Variants in ISX observed in about 807,000 individuals in gnomAD.
The protein encoded by ISX is intestine specific homeobox, also known as intestine-specific homeobox.
A neutral mutation model predicts 16.9 loss-of-function variants in ISX; 15 were observed. That is an observed-to-expected ratio of 0.89 (90% confidence interval 0.59 to 1.36). The LOEUF (loss-of-function observed/expected upper bound fraction) is 1.36, where lower values mean the gene tolerates loss of function less well. Among genes scored for constraint, ISX ranks in the 40% most tolerant of loss-of-function variants. The pLI is 0.00. For missense variants in ISX, 316 were observed against 306.1 expected (o/e 1.03, Z -0.24); for synonymous variants, 125 against 119.7 (o/e 1.04, Z -0.29).
chr22:35,087,347 A>G lies in ISX; in HGVS notation c.*1654A>G, dbSNP rs563864405. 3 of 152,296 alleles carry G rather than the reference A, an allele frequency of 2.0e-5. No homozygotes were observed. Among genetic ancestry groups the G allele is most frequent in the Admixed American group, 2.0e-4 (3 of 15,290 alleles). The allele number at this position is 152,296 out of a possible 1,614,324, so 9.4% of individuals were successfully genotyped here. A position where few individuals can be genotyped will look rare whatever the true frequency, so the allele number is the denominator to read the frequency against. On this transcript the variant is annotated 3_prime_UTR_variant, in exon 5 of 5. Transcript: ENST00000404699. ...GCAGGTACCCATTTTAGGACCCTAC[A>G]CTCAAATGTGCAAAATAAAATTTCT...
At chr22:35,083,375 G>T (rs1429636164) in intron 3 of ISX, among the ~76,000 whole-genome samples, 1 of 152,172 alleles carries the variant, frequency 6.6e-6, no homozygotes, top group Non-Finnish European at 1.5e-5. Context: ...TGAATTCGTG[G>T]TCTTGGTCGG....
chr22:35,072,738 G>T (rs962206272), intron 2 of ISX, among the ~76,000 whole-genome samples: 1 of 152,174 alleles, frequency 6.6e-6, no homozygotes, highest in Non-Finnish European at 1.5e-5. Flanking sequence ...TATCTACTGC[G>T]TGCCAGGCAT....
chr22:35,068,314 G>A (rs1299893939), intron 2 of ISX, among the ~76,000 whole-genome samples: 3 of 152,094 alleles, frequency 2.0e-5, no homozygotes, highest in Non-Finnish European at 4.4e-5. Context: ...GCCATAAATA[G>A]AGCTCCACAT....
intron 2 of ISX, among the ~76,000 whole-genome samples, chr22:35,072,093 C>T (rs1435771567): frequency 6.6e-6 from 1 of 152,180 alleles, no homozygotes; most frequent in Non-Finnish European, 1.5e-5. Context: ...ACAGGCACTT[C>T]CTCAAGAGAA....
Position 35,066,870 on chromosome 22 carries a change from A to G in ISX, c.-218A>G, listed in dbSNP as rs1928711652. On this transcript the variant is annotated 5_prime_UTR_variant, in exon 2 of 5. Coordinates refer to ENST00000404699, the MANE Select transcript of ISX (RefSeq NM_001303508.2). ...TTTGATGTCAAACTGGTAAGGGCTG[A>G]GCCGTGGGCACAGGATACCACTCCT... The G allele has an allele frequency of 1.8e-6, 1 of 549,632 alleles. No individual in the cohort carries two copies. 34.0% of individuals were successfully genotyped at this position (549,632 alleles called of 1,614,324 possible). A position where few individuals can be genotyped will look rare whatever the true frequency, so the allele number is the denominator to read the frequency against.
At chr22:35,079,196 TG>T (rs977504550) in intron 2 of ISX, among the ~76,000 whole-genome samples, 11 of 152,222 alleles carry the variant, frequency 7.2e-5, no homozygotes, top group African/African-American at 2.7e-4. Context: ...ATTCTTAGTA[TG>T]TGATGGCTTT....
At chr22:35,078,822 C>T (rs995133060) in intron 2 of ISX, among the ~76,000 whole-genome samples, 6 of 152,240 alleles carry the variant, frequency 3.9e-5, no homozygotes, top group Non-Finnish European at 2.9e-5. Context: ...ACCAAGTAAA[C>T]GCGTTCTGCA....
At chr22:35,074,024 G>A (rs1928920086) in intron 2 of ISX, among the ~76,000 whole-genome samples, 1 of 152,214 alleles carries the variant, frequency 6.6e-6, no homozygotes, top group South Asian at 2.1e-4. Flanking sequence ...ACTAAGCCAG[G>A]TGAAGGGCAG....
chr22:35,084,362 G>A (rs374588381), intron 3 of ISX, 21 bp from the exon 4 acceptor site: 80 of 1,566,780 alleles, frequency 5.1e-5, no homozygotes, highest in South Asian at 3.5e-4. Flanking sequence ...GCTTATCCCC[G>A]TCCTTTCTCC....
At chr22:35,072,946 T>A (rs1928891568) in intron 2 of ISX, among the ~76,000 whole-genome samples, 1 of 152,240 alleles carries the variant, frequency 6.6e-6, no homozygotes, top group Admixed American at 6.5e-5. Flanking sequence ...AAAAGATTTA[T>A]GTCCACGGTG....
intron 2 of ISX, among the ~76,000 whole-genome samples, chr22:35,073,415 C>T (rs1928905163): frequency 2.0e-5 from 3 of 152,100 alleles, no homozygotes. Flanking sequence ...GTACTTTATT[C>T]CTATTATTAT....
chr22:35,077,178 C>G (rs1199134564), intron 2 of ISX, among the ~76,000 whole-genome samples: 1 of 152,218 alleles, frequency 6.6e-6, no homozygotes, highest in East Asian at 1.9e-4. Flanking sequence ...ATGCATGGGC[C>G]AGGGCCATCA....
At chr22:35,066,656 C>T (rs3810618) in intron 1 of ISX, 96 bp from the exon 2 acceptor site, 26,769 of 166,858 alleles carry the variant, frequency 0.16, 2,340 homozygotes, top group Admixed American at 0.23. Context: ...AAGGTGGACC[C>T]CTGCCTCCAA....
chr22:35,074,232 C>T (rs1928924792), intron 2 of ISX, among the ~76,000 whole-genome samples: 1 of 152,212 alleles, frequency 6.6e-6, no homozygotes. Context: ...TGTTCAAAAG[C>T]CCCAGAGGAG....
Position 35,066,969 on chromosome 22 carries a change from A to T in ISX, c.-119A>T. On this transcript the variant is annotated 5_prime_UTR_variant, in exon 2 of 5. Transcript: ENST00000404699. ...AATCCTGTTTGGATCATCTAACTGG[A>T]GGCTCTCTGTTCTTCACCTCCACGC... is the stretch of plus-strand genomic sequence containing the variant. 1 of 664,726 alleles carries T rather than the reference A, an allele frequency of 1.5e-6. No individual in the cohort carries two copies. The highest frequency in any genetic ancestry group is 2.7e-5 in the East Asian group (1 of 37,076). 41.2% of individuals were successfully genotyped at this position (664,726 alleles called of 1,614,324 possible). A position where few individuals can be genotyped will look rare whatever the true frequency, so the allele number is the denominator to read the frequency against.
chr22:35,078,896 A>G (rs952626296), intron 2 of ISX, among the ~76,000 whole-genome samples: 8 of 152,170 alleles, frequency 5.3e-5, no homozygotes, highest in African/African-American at 1.9e-4. Flanking sequence ...AGGATTACAA[A>G]TGTCAGGGTG....
intron 3 of ISX, 80 bp from the exon 4 acceptor site, chr22:35,084,303 T>C: frequency 2.3e-6 from 2 of 875,540 alleles, no homozygotes; most frequent in Non-Finnish European, 3.8e-6. Flanking sequence ...TTGGAAGGTG[T>C]AGTTATTATG....
chr22:35,067,740 G>A (rs921281771), intron 2 of ISX, among the ~76,000 whole-genome samples: 5 of 152,178 alleles, frequency 3.3e-5, no homozygotes, highest in Non-Finnish European at 4.4e-5. Flanking sequence ...CAGAAGCCCC[G>A]CTATCAGGAC....
intron 2 of ISX, among the ~76,000 whole-genome samples, chr22:35,071,786 G>A (rs1928860370): frequency 1.3e-5 from 2 of 152,112 alleles, no homozygotes; most frequent in African/African-American, 2.4e-5. Context: ...AGGTACCCTG[G>A]GTCAGGCGCC....
Sources: allele counts gnomAD v4.1 joint callset (sites outside exome capture counted in the v4.1 genomes callset), GRCh38; gene constraint gnomAD v4.1.1; transcripts MANE v1.5; gene names NCBI Gene and HGNC (gene_info 2026-07-23, HGNC 2026-07-21).